Variants in DCUN1D4 observed in about 807,000 individuals in gnomAD.
DCUN1D4 encodes the protein defective in cullin neddylation 1 domain containing 4.
Under a neutral mutation model 47.9 loss-of-function variants are expected in DCUN1D4, and 22 were observed. That is an observed-to-expected ratio of 0.46 (90% CI 0.33 to 0.66). The LOEUF is 0.66. DCUN1D4 is among the 30% of genes least tolerant of loss of function. The pLI is 0.02. For missense variants in DCUN1D4, 301 were observed against 340.8 expected (o/e 0.88, Z 0.92); for synonymous variants, 121 against 112.2 (o/e 1.08, Z -0.50).
chr4:51,844,721 T>G (rs1722234927), intron 1 of DCUN1D4, among the ~76,000 whole-genome samples: 2 of 151,302 alleles, frequency 1.3e-5, no homozygotes, highest in Non-Finnish European at 3.0e-5. Context: ...GGGGTTTCCT[T>G]TAGGGTTTGT....
intron 8 of DCUN1D4, among the ~76,000 whole-genome samples, chr4:51,901,509 T>A (rs2110104233): frequency 6.6e-6 from 1 of 152,352 alleles, no homozygotes; most frequent in South Asian, 2.1e-4. Context: ...TCCTGGCCTC[T>A]CTGCATTCTG....
intron 3 of DCUN1D4, among the ~76,000 whole-genome samples, chr4:51,867,800 C>G (rs1726200532): frequency 6.6e-6 from 1 of 152,242 alleles, no homozygotes; most frequent in Admixed American, 6.5e-5. Flanking sequence ...CAGGCCATTC[C>G]AGGCTTGAAG....
the DCUN1D4 span, among the ~76,000 whole-genome samples, chr4:51,836,720 G>A: frequency 4.6e-5 from 7 of 152,130 alleles, no homozygotes. Flanking sequence ...CACCAAGGAA[G>A]TGAGCACATA....
chr4:51,894,019 G>A (rs960002776), intron 7 of DCUN1D4, among the ~76,000 whole-genome samples: 4 of 152,154 alleles, frequency 2.6e-5, no homozygotes, highest in Non-Finnish European at 2.9e-5. Context: ...CTGCGTCTGC[G>A]TTCTGAGTCC....
chr4:51,899,934 T>C (rs1227346081), intron 8 of DCUN1D4, among the ~76,000 whole-genome samples: 3 of 152,202 alleles, frequency 2.0e-5, no homozygotes, highest in African/African-American at 7.2e-5. Flanking sequence ...GTGGTTCCCT[T>C]GGAGTGAAAT....
At chr4:51,862,202 C>T (rs1034147617) in intron 1 of DCUN1D4, among the ~76,000 whole-genome samples, 3 of 152,212 alleles carry the variant, frequency 2.0e-5, no homozygotes, top group Non-Finnish European at 2.9e-5. Flanking sequence ...TGCATATGCA[C>T]ATGTATGTAT....
chr4:51,882,306 T>C (rs1247117369), intron 5 of DCUN1D4, among the ~76,000 whole-genome samples: 1 of 152,174 alleles, frequency 6.6e-6, no homozygotes, highest in East Asian at 1.9e-4. Context: ...CATTTTCCCA[T>C]GTGGCAAACA....
intron 1 of DCUN1D4, among the ~76,000 whole-genome samples, chr4:51,852,566 T>G (rs1419046281): frequency 1.3e-5 from 2 of 152,212 alleles, no homozygotes; most frequent in Non-Finnish European, 2.9e-5. Flanking sequence ...TTAGTAGTTT[T>G]AAACACCATC....
intron 3 of DCUN1D4, 38 bp from the exon 4 acceptor site, chr4:51,874,233 C>A: frequency 7.1e-7 from 1 of 1,410,098 alleles, no homozygotes; most frequent in Non-Finnish European, 9.9e-7. Flanking sequence ...TAGGATGTAG[C>A]ATACCTTAAT....
chr4:51,863,415 A>G (rs1560466636), intron 1 of DCUN1D4, 22 bp from the exon 2 acceptor site: 2 of 1,580,244 alleles, frequency 1.3e-6, no homozygotes, highest in Non-Finnish European at 8.7e-7. Flanking sequence ...TGACGCTGAC[A>G]TTTTTCCTTT....
At chr4:51,905,669 A>AT (rs1732775496) in intron 8 of DCUN1D4, among the ~76,000 whole-genome samples, 1 of 152,124 alleles carries the variant, frequency 6.6e-6, no homozygotes, top group Non-Finnish European at 1.5e-5. Flanking sequence ...ATATCAGTCC[A>AT]TTGGATGTTT....
chr4:51,851,382 G>A (rs1281456156), intron 1 of DCUN1D4, among the ~76,000 whole-genome samples: 1 of 152,204 alleles, frequency 6.6e-6, no homozygotes, highest in Non-Finnish European at 1.5e-5. Flanking sequence ...TTTGAAGTTG[G>A]ATTATGTGAA....
intron 7 of DCUN1D4, among the ~76,000 whole-genome samples, chr4:51,897,024 A>G (rs1731376007): frequency 6.6e-6 from 1 of 152,136 alleles, no homozygotes; most frequent in Admixed American, 6.5e-5. Flanking sequence ...CCATACTCCC[A>G]TCTGCTTCTG....
chr4:51,899,188 T>C, intron 7 of DCUN1D4, 82 bp from the exon 8 acceptor site: 1 of 1,440,172 alleles, frequency 6.9e-7, no homozygotes, highest in Non-Finnish European at 9.1e-7. Flanking sequence ...TTTCCTTTGG[T>C]ATTGTGTTTA....
At position 51,913,866 on chromosome 4, in the gene DCUN1D4, G is replaced by A. The variant is rs1734050132; in HGVS notation, c.*282G>A. On this transcript the variant is annotated 3_prime_UTR_variant, in exon 11 of 11. Coordinates refer to ENST00000334635, the MANE Select transcript of DCUN1D4 (RefSeq NM_001040402.3). ...ATTGCTGTTTAAATTTTGTATATGTGTATAAAAGGAAAAAGGTTCACCTAG... is the reference window on the plus strand; with the variant it reads ...ATTGCTGTTTAAATTTTGTATATGTATATAAAAGGAAAAAGGTTCACCTAG... 3.0e-6 allele frequency: 1 copy of A among 333,218 alleles called. No homozygotes were observed. Among genetic ancestry groups the A allele is most frequent in the Non-Finnish European group, 5.4e-6 (1 of 184,846 alleles). 20.6% of individuals were successfully genotyped at this position (333,218 alleles called of 1,614,324 possible).
chr4:51,909,789 G>A (rs932658388), intron 8 of DCUN1D4, among the ~76,000 whole-genome samples: 9 of 152,162 alleles, frequency 5.9e-5, no homozygotes, highest in East Asian at 1.9e-4. Context: ...ATGGACAGTC[G>A]TTACACTTCA....
intron 1 of DCUN1D4, chr4:51,848,097 T>A: frequency 1.3e-6 from 1 of 784,772 alleles, no homozygotes; most frequent in Non-Finnish European, 1.8e-6. Flanking sequence ...TCTTTCATTA[T>A]CTTTAGATTT....
intron 3 of DCUN1D4, among the ~76,000 whole-genome samples, chr4:51,867,446 A>ATG (rs1300634484): frequency 2.0e-5 from 3 of 152,186 alleles, no homozygotes; most frequent in Non-Finnish European, 4.4e-5. Flanking sequence ...TCCAGGAAGA[A>ATG]TGAGGTATGC....
upstream of DCUN1D4, among the ~76,000 whole-genome samples, chr4:51,839,209 A>AGGAAGGAG (rs1721570049): frequency 6.7e-6 from 1 of 149,506 alleles, no homozygotes; most frequent in Admixed American, 6.7e-5. Flanking sequence ...GAAGGAAGGA[A>AGGAAGGAG]GGAGGGAAGG....
Sources: gnomAD v4.1 joint callset for allele counts (sites outside exome capture counted in the v4.1 genomes callset) on GRCh38, gnomAD v4.1.1 for gene constraint, MANE v1.5 for transcripts, NCBI Gene and HGNC (gene_info 2026-07-23, HGNC 2026-07-21) for gene names.